The following TARS3 variants were observed in gnomAD, a reference collection of about 807,000 sequenced individuals.
The protein encoded by TARS3 is threonine--tRNA ligase 2, cytoplasmic.
TARS3 carries 94 observed loss-of-function variants against 103.5 expected under a neutral mutation model. The observed-to-expected ratio is 0.91, with a 90% CI of 0.77 to 1.08. The LOEUF (loss-of-function observed/expected upper bound fraction) is 1.08, where lower values mean the gene tolerates loss of function less well. TARS3 is among the 50% of genes least tolerant of loss of function. The pLI is 0.00. For synonymous variants in TARS3, 416 were observed against 355.4 expected (o/e 1.17, Z -1.92); for missense variants, 952 against 995.2 (o/e 0.96, Z 0.58).
chr15:101,698,301 C>G (rs904215282), intron 10 of TARS3, among the ~76,000 whole-genome samples: 10 of 151,682 alleles, frequency 6.6e-5, no homozygotes, highest in Non-Finnish European at 1.2e-4. Flanking sequence ...CCACTGCACT[C>G]CAACCTGGGC....
intron 15 of TARS3, among the ~76,000 whole-genome samples, chr15:101,663,514 G>T (rs954294007): frequency 6.6e-6 from 1 of 152,188 alleles, no homozygotes; most frequent in African/African-American, 2.4e-5. Context: ...ACATATCCCT[G>T]TCATGACTAC....
At chr15:101,655,871 T>C (rs912096986) in intron 18 of TARS3, 4 of 1,283,306 alleles carry the variant, frequency 3.1e-6, no homozygotes. Context: ...GCATACCTGA[T>C]GAGCCAAGGA....
chr15:101,713,712 G>C (rs879906394), intron 4 of TARS3, among the ~76,000 whole-genome samples: 4 of 152,142 alleles, frequency 2.6e-5, no homozygotes, highest in Non-Finnish European at 5.9e-5. Context: ...AATAAGTTTT[G>C]GGGTTAAAAT....
intron 10 of TARS3, among the ~76,000 whole-genome samples, chr15:101,694,803 A>G (rs1407624529): frequency 6.6e-6 from 1 of 152,250 alleles, no homozygotes; most frequent in Non-Finnish European, 1.5e-5. Flanking sequence ...CAAAAGGTCA[A>G]ATAGCCTATG....
chr15:101,684,010 A>C, intron 12 of TARS3, 65 bp downstream of exon 12: 1 of 1,472,342 alleles, frequency 6.8e-7, no homozygotes, highest in Non-Finnish European at 9.2e-7. Flanking sequence ...GAAAGAATAC[A>C]AGATGTGTGC....
intron 3 of TARS3, among the ~76,000 whole-genome samples, chr15:101,716,547 G>A (rs1272761330): frequency 6.6e-6 from 1 of 152,052 alleles, no homozygotes; most frequent in Non-Finnish European, 1.5e-5. Context: ...TTTCCAAAAC[G>A]TGATATTTAA....
intron 16 of TARS3, among the ~76,000 whole-genome samples, chr15:101,660,636 A>G (rs1897340794): frequency 6.6e-6 from 1 of 152,220 alleles, no homozygotes; most frequent in South Asian, 2.1e-4. Flanking sequence ...TCAACCTGCT[A>G]CAAGACCACT....
chr15:101,710,884 G>A (rs1899830320), intron 5 of TARS3, among the ~76,000 whole-genome samples: 1 of 152,202 alleles, frequency 6.6e-6, no homozygotes, highest in Non-Finnish European at 1.5e-5. Context: ...CAACTGGATG[G>A]TGGCGTGGTG....
At chr15:101,674,391 G>A (rs1897937475) in intron 13 of TARS3, among the ~76,000 whole-genome samples, 1 of 152,160 alleles carries the variant, frequency 6.6e-6, no homozygotes, top group Admixed American at 6.5e-5. Context: ...AAGTTGCTAA[G>A]AGCTATGGTT....
chr15:101,709,002 G>A (rs1289198299), intron 5 of TARS3, 92 bp from the exon 6 acceptor site: 3 of 792,976 alleles, frequency 3.8e-6, no homozygotes, highest in Non-Finnish European at 6.0e-6. Flanking sequence ...CCATAAATTT[G>A]AATCTGCTGT....
intron 10 of TARS3, 68 bp from the exon 11 acceptor site, chr15:101,686,130 T>C (rs28640036): frequency 0.084 from 113,648 of 1,355,526 alleles, 5,299 homozygotes; most frequent in South Asian, 0.17. Context: ...AAAGTAACAC[T>C]ATGAGCAAAT....
At chr15:101,697,730 C>T (rs1899049068) in intron 10 of TARS3, among the ~76,000 whole-genome samples, 1 of 152,254 alleles carries the variant, frequency 6.6e-6, no homozygotes, top group South Asian at 2.1e-4. Context: ...TCAGAATGAT[C>T]TACTGTAAGT....
intron 10 of TARS3, chr15:101,699,568 A>G: frequency 4.9e-6 from 2 of 405,684 alleles, no homozygotes; most frequent in Non-Finnish European, 4.9e-6. Flanking sequence ...AGCACATCCA[A>G]ATCAGCAGCT....
chr15:101,676,864 A>G (rs1375461974), intron 12 of TARS3, among the ~76,000 whole-genome samples: 1 of 149,138 alleles, frequency 6.7e-6, no homozygotes, highest in Non-Finnish European at 1.5e-5. Context: ...TTACATAGGT[A>G]TATGTGTGCC....
rs1567318070 is a variant in TARS3 at position 101,654,705 on chromosome 15, A to T, written c.2286T>A (p.Asp762Glu). 1 of 1,613,964 alleles carries T rather than the reference A, an allele frequency of 6.2e-7. No homozygotes were observed. The highest frequency in any genetic ancestry group is 1.1e-5 in the South Asian group (1 of 91,022). ...ILVVGEKEKI[D>E]NAVNVRTRDN... ...CTCTTGTTCGCACGTTTACAGCATTATCTATCTTTTCCTTTTCTCCAACCA... is the reference window on the plus strand; with the variant it reads ...CTCTTGTTCGCACGTTTACAGCATTTTCTATCTTTTCCTTTTCTCCAACCA... The change falls in exon 19 of 19, where the codon GAT becomes GAA. Residue 762 changes from aspartate to glutamate, a missense_variant. This residue lies in a region of TARS3 where 540 missense variants were observed against 631.0 expected (regional missense o/e 0.86). Transcript: ENST00000335968.
chr15:101,697,975 G>A (rs1185213082), intron 10 of TARS3, among the ~76,000 whole-genome samples: 1 of 152,184 alleles, frequency 6.6e-6, no homozygotes, highest in Non-Finnish European at 1.5e-5. Flanking sequence ...AGATTGAAAG[G>A]CAGCACAAAA....
At chr15:101,673,662 C>G (rs922180968) in intron 13 of TARS3, among the ~76,000 whole-genome samples, 1 of 152,212 alleles carries the variant, frequency 6.6e-6, no homozygotes, top group African/African-American at 2.4e-5. Context: ...CCTGCTTCCA[C>G]ATGGCTGTTA....
In TARS3 at chr15:101,704,802, C is replaced by T. The variant is rs1420147807; in HGVS notation, c.996-865G>A. On this transcript the variant is annotated intron_variant, in intron 7 of 18. Coordinates refer to ENST00000335968, the MANE Select transcript of TARS3 (RefSeq NM_152334.3). ...AGGTTCTCAAACCCAAGAGCTCAAG[C>T]ATTAGAAGCCAGAAATTTAAAACTT... Among the ~76,000 whole-genome samples, 3 of 151,844 alleles carry T rather than the reference C, an allele frequency of 2.0e-5. No individual in the cohort carries two copies. In the East Asian group the frequency reaches 5.8e-4, roughly 29 times the overall value.
Position 101,723,176 on chromosome 15 carries a change from A to G in TARS3, c.298-12T>C, listed in dbSNP as rs1900576898. ...TGACTAGGAGGAGGCTGAAAGATAAATTATAAATGACTCACATCAATGGCA... is the reference window on the plus strand; with the variant it reads ...TGACTAGGAGGAGGCTGAAAGATAAGTTATAAATGACTCACATCAATGGCA... On this transcript the variant is annotated splice_polypyrimidine_tract_variant and intron_variant, in intron 1 of 18. Transcript: ENST00000335968. 4 of 1,611,000 alleles carry G rather than the reference A, an allele frequency of 2.5e-6. No homozygotes were observed. Among genetic ancestry groups the G allele is most frequent in the South Asian group, 2.2e-5 (2 of 90,990 alleles).
Sources: allele counts gnomAD v4.1 joint callset (sites outside exome capture counted in the v4.1 genomes callset), GRCh38; gene constraint gnomAD v4.1.1; regional missense constraint gnomAD v4.1.1; transcripts MANE v1.5; gene names NCBI Gene and HGNC (gene_info 2026-07-23, HGNC 2026-07-21).